NCKAP5: variants seen among roughly 807,000 people sequenced by gnomAD.
NCKAP5 encodes NCK associated protein 5.
A neutral mutation model predicts 167.0 loss-of-function variants in NCKAP5; 92 were observed. The observed-to-expected ratio is 0.55, with a 90% CI of 0.47 to 0.66. The LOEUF is 0.66. Among genes scored for constraint, NCKAP5 ranks in the 30% least tolerant of loss-of-function variants. NCKAP5 has a pLI of 0.00. For synonymous variants in NCKAP5, 891 were observed against 877.4 expected, an observed-to-expected ratio of 1.02 and a Z score of -0.27; for missense variants, 2,378 against 2,315.0, an observed-to-expected ratio of 1.03 and a Z score of -0.56.
At chr2:133,509,189 C>T (rs1284615767) in intron 3 of NCKAP5, among the ~76,000 whole-genome samples, 1 of 152,204 alleles carries the variant, frequency 6.6e-6, no homozygotes, top group African/African-American at 2.4e-5. Context: ...TCTAATTATA[C>T]CTACAGACTC....
intron 5 of NCKAP5, among the ~76,000 whole-genome samples, chr2:133,182,661 A>G (rs1458712445): frequency 6.6e-6 from 1 of 152,216 alleles, no homozygotes; most frequent in East Asian, 1.9e-4. Context: ...AGATTCATAC[A>G]TTGGAAGAGA....
chr2:133,296,533 T>G (rs1468198739), intron 4 of NCKAP5, among the ~76,000 whole-genome samples: 1 of 152,238 alleles, frequency 6.6e-6, no homozygotes, highest in Non-Finnish European at 1.5e-5. Flanking sequence ...TTTCTACTCA[T>G]AGGTTCTTTG....
chr2:133,381,330 C>T (rs1459621277), intron 3 of NCKAP5, among the ~76,000 whole-genome samples: 1 of 152,200 alleles, frequency 6.6e-6, no homozygotes, highest in Non-Finnish European at 1.5e-5. Context: ...AAAGTTAGCA[C>T]TTAAGAAGAA....
At chr2:133,263,853 T>A (rs1167781667) in intron 4 of NCKAP5, among the ~76,000 whole-genome samples, 1 of 152,190 alleles carries the variant, frequency 6.6e-6, no homozygotes, top group East Asian at 1.9e-4. Flanking sequence ...ATATTCTAAG[T>A]ACAGAAAATT....
intron 19 of NCKAP5, among the ~76,000 whole-genome samples, chr2:132,677,251 T>G (rs1684608965): frequency 1.3e-5 from 2 of 152,174 alleles, no homozygotes; most frequent in African/African-American, 4.8e-5. Flanking sequence ...AAAGTAGGGC[T>G]AAACAGACAA....
intron 6 of NCKAP5, among the ~76,000 whole-genome samples, chr2:133,067,841 G>A (rs1042833042): frequency 2.0e-5 from 3 of 152,184 alleles, no homozygotes; most frequent in African/African-American, 7.2e-5. Flanking sequence ...TGCAAGGGAT[G>A]AGGGGAATGC....
Position 133,358,927 on chromosome 2 carries a change from G to A in NCKAP5, c.70-55817C>T, listed in dbSNP as rs962284914. Among the ~76,000 whole-genome samples the A allele has an allele frequency of 3.9e-5, 6 of 152,134 alleles. No homozygotes were observed. In the South Asian group the frequency reaches 1.2e-3, roughly 32 times the overall value. On this transcript the variant is annotated intron_variant, in intron 3 of 19. Coordinates refer to ENST00000409261, the MANE Select transcript of NCKAP5 (RefSeq NM_207363.3). ...TGTTAAAGCATCTCAGTTATGTTTA[G>A]TAGTAACTAAACTTGACACTATTTG... is the stretch of plus-strand genomic sequence containing the variant.
In NCKAP5 at chr2:132,920,100, G is replaced by A. The variant is rs982897669; in HGVS notation, c.580-41184C>T. 3.3e-5 allele frequency among the ~76,000 whole-genome samples: 5 copies of A among 151,932 alleles called. No individual in the cohort carries two copies. In the East Asian group the frequency reaches 5.8e-4, roughly 18 times the overall value. On this transcript the variant is annotated intron_variant, in intron 8 of 19. Transcript: ENST00000409261. ...GCTGACTGGACCACCAGGACCCACC[G>A]TATTCCCCTCTCCCCCTTGCCATCT... is the stretch of plus-strand genomic sequence containing the variant.
chr2:133,186,468 G>A (rs1017159480), intron 5 of NCKAP5, among the ~76,000 whole-genome samples: 8 of 152,016 alleles, frequency 5.3e-5, no homozygotes, highest in Non-Finnish European at 8.8e-5. Flanking sequence ...TGCTGGCTTC[G>A]AAGAATGAGT....
chr2:133,157,280 C>A (rs777748644), intron 5 of NCKAP5, among the ~76,000 whole-genome samples: 2 of 152,188 alleles, frequency 1.3e-5, no homozygotes, highest in African/African-American at 4.8e-5. Flanking sequence ...CAAGCACAGT[C>A]ATTGGAACAG....
At chr2:133,018,919 G>T in intron 6 of NCKAP5, among the ~76,000 whole-genome samples, 1 of 152,130 alleles carries the variant, frequency 6.6e-6, no homozygotes, top group East Asian at 1.9e-4. Context: ...CTACCCTTTA[G>T]CCTTGTTGCT....
intron 8 of NCKAP5, among the ~76,000 whole-genome samples, chr2:132,937,746 G>A (rs1454145015): frequency 6.6e-6 from 1 of 152,224 alleles, no homozygotes; most frequent in Non-Finnish European, 1.5e-5. Flanking sequence ...TTATTCAACT[G>A]GTGTGCAACA....
intron 4 of NCKAP5, among the ~76,000 whole-genome samples, chr2:133,285,671 G>C (rs777999845): frequency 2.0e-5 from 3 of 152,068 alleles, no homozygotes; most frequent in Non-Finnish European, 2.9e-5. Flanking sequence ...ATCACGATAC[G>C]AGAGCAACTC....
At chr2:133,005,128 C>T (rs1300333125) in intron 6 of NCKAP5, among the ~76,000 whole-genome samples, 1 of 152,078 alleles carries the variant, frequency 6.6e-6, no homozygotes, top group East Asian at 1.9e-4. Flanking sequence ...TCACAGGGTC[C>T]TGAGGCAACA....
At chr2:132,915,606 G>C (rs1694805667) in intron 8 of NCKAP5, 1 of 152,210 alleles carries the variant, frequency 6.6e-6, no homozygotes, top group South Asian at 2.1e-4. Flanking sequence ...GGTGCCCCGA[G>C]TAGCAGTCAC....
At chr2:133,604,157 C>A in the NCKAP5 span, among the ~76,000 whole-genome samples, 1 of 152,066 alleles carries the variant, frequency 6.6e-6, no homozygotes, top group African/African-American at 2.4e-5. Context: ...TACCTGATGG[C>A]AGGAATGACC....
At chr2:133,665,742 G>A in the NCKAP5 span, among the ~76,000 whole-genome samples, 4 of 152,168 alleles carry the variant, frequency 2.6e-5, no homozygotes, top group Admixed American at 2.6e-4. Flanking sequence ...GTGCGATAAA[G>A]CAAAGCACAA....
intron 16 of NCKAP5, among the ~76,000 whole-genome samples, chr2:132,751,871 C>T (rs1680143237): frequency 6.6e-6 from 1 of 152,148 alleles, no homozygotes; most frequent in Admixed American, 6.5e-5. Context: ...AAAGGAAGAC[C>T]TAGTGCAAAT....
intron 3 of NCKAP5, among the ~76,000 whole-genome samples, chr2:133,366,030 A>G (rs1000766730): frequency 3.9e-5 from 6 of 152,250 alleles, no homozygotes; most frequent in African/African-American, 1.4e-4. Context: ...GTAAAAGCAC[A>G]CATTTAAAAT....
Sources: allele counts gnomAD v4.1 joint callset (sites outside exome capture counted in the v4.1 genomes callset), GRCh38; gene constraint gnomAD v4.1.1; transcripts MANE v1.5; gene names NCBI Gene and HGNC (gene_info 2026-07-23, HGNC 2026-07-21).